The following STK35 variants were observed in gnomAD, a reference collection of about 807,000 sequenced individuals.
STK35 encodes the protein serine/threonine-protein kinase 35.
A neutral mutation model predicts 37.3 loss-of-function variants in STK35; 17 were observed. The ratio of observed to expected loss-of-function variants is 0.46; its 90% CI spans 0.31 to 0.68. The LOEUF (loss-of-function observed/expected upper bound fraction) is 0.68, where lower values mean the gene tolerates loss of function less well. Ranked by LOEUF, STK35 falls within the 30% of genes least tolerant of loss-of-function variation. The pLI, the probability that STK35 is intolerant of heterozygous loss-of-function variation, is 0.05. For synonymous variants in STK35, 385 were observed against 319.1 expected (o/e 1.21, Z -2.20); for missense variants, 595 against 746.7 (o/e 0.80, Z 2.37).
At chr20:2,135,290 C>G (rs1403799573) in intron 3 of STK35, among the ~76,000 whole-genome samples, 1 of 152,138 alleles carries the variant, frequency 6.6e-6, no homozygotes, top group Admixed American at 6.5e-5. Flanking sequence ...AGTGGGTGAA[C>G]AGAATGTGGA....
In STK35 at chr20:2,117,552, C is replaced by G; in HGVS notation, c.*37+137C>G. 1.8e-6 allele frequency: 1 copy of G among 543,992 alleles called. No homozygotes were observed. The highest frequency in any genetic ancestry group is 3.2e-6 in the Non-Finnish European group (1 of 313,254). The allele number at this position is 543,992 out of a possible 1,614,324, so 33.7% of individuals were successfully genotyped here. A position where few individuals can be genotyped will look rare whatever the true frequency, so the allele number is the denominator to read the frequency against. On this transcript the variant is annotated intron_variant, in intron 3 of 3. Coordinates refer to ENST00000381482, the MANE Select transcript of STK35 (RefSeq NM_080836.4). The surrounding 1 kb of genome is among the most constrained non-coding windows in gnomAD (Gnocchi z 4.4). ...CTCCACCTCCCGAGTTCAAGTGATT[C>G]TCGTGCCTCAGCCACCTGGGTAGCT... is the stretch of plus-strand genomic sequence containing the variant.
chr20:2,107,909 G>A (rs1985546891), intron 2 of STK35, among the ~76,000 whole-genome samples: 1 of 152,228 alleles, frequency 6.6e-6, no homozygotes, highest in African/African-American at 2.4e-5. Flanking sequence ...CTCAGAGTCA[G>A]AAGGTTTTAA....
chr20:2,116,575 T>A (rs1985721193), intron 2 of STK35, 91 bp from the exon 3 acceptor site: 2 of 1,381,956 alleles, frequency 1.4e-6, no homozygotes, highest in Middle Eastern at 2.5e-4. Flanking sequence ...TTGTCACCAA[T>A]GTCACTCTTG....
At position 2,103,173 on chromosome 20, in the gene STK35, C is replaced by T; in HGVS notation, c.700C>T (p.Arg234Cys). Reference protein sequence around the residue: ...SGARVAVKKIRCDAPENVELA... With the variant: ...SGARVAVKKICCDAPENVELA... ...GGCCCGGGTGGCGGTCAAGAAGATC[C>T]GCTGCGACGCCCCCGAGAACGTGGA... Residue 234 changes from arginine (R) to cysteine (C), a missense_variant, in exon 2 of 4, where the codon CGC becomes TGC. This residue lies in a region of STK35 where 97 missense variants were observed against 146.4 expected (regional missense o/e 0.66). Coordinates refer to ENST00000381482, the MANE Select transcript of STK35 (RefSeq NM_080836.4). 1 of 1,607,196 alleles carries T rather than the reference C, an allele frequency of 6.2e-7. No homozygotes were observed. The highest frequency in any genetic ancestry group is 8.5e-7 in the Non-Finnish European group (1 of 1,179,082).
Position 2,102,177 on chromosome 20 carries a change from T to G in STK35, c.294+2T>G. Reference sequence around the variant, plus strand: ...CGGAAGTGGAGGTGCGCGGGCCAGGTAAGGGCGCCGTTGGAGGACTGAAGG... The same window carrying G: ...CGGAAGTGGAGGTGCGCGGGCCAGGGAAGGGCGCCGTTGGAGGACTGAAGG... On this transcript the variant is annotated splice_donor_variant, in intron 1 of 3. Transcript: ENST00000381482. LOFTEE classifies it high-confidence loss of function. 1 of 1,376,494 alleles carries G rather than the reference T, an allele frequency of 7.3e-7. No homozygotes were observed. The highest frequency in any genetic ancestry group is 9.4e-7 in the Non-Finnish European group (1 of 1,066,194). 85.3% of individuals were successfully genotyped at this position (1,376,494 alleles called of 1,614,324 possible). A position where few individuals can be genotyped will look rare whatever the true frequency, so the allele number is the denominator to read the frequency against.
At chr20:2,115,451 T>C (rs1368725901) in intron 2 of STK35, among the ~76,000 whole-genome samples, 2 of 152,078 alleles carry the variant, frequency 1.3e-5, no homozygotes, top group African/African-American at 4.8e-5. Context: ...CCTGGCTCAG[T>C]TACAAATGAC....
intron 3 of STK35, among the ~76,000 whole-genome samples, chr20:2,118,076 C>T (rs1036726131): frequency 6.6e-6 from 1 of 152,096 alleles, no homozygotes; most frequent in Non-Finnish European, 1.5e-5. Flanking sequence ...GATTGTATCC[C>T]ACCTACTCAC....
intron 2 of STK35, among the ~76,000 whole-genome samples, chr20:2,115,844 A>G (rs1985705162): frequency 6.7e-6 from 1 of 150,352 alleles, no homozygotes; most frequent in South Asian, 2.1e-4. Flanking sequence ...TGCCTTTTAC[A>G]GGGTAAGTTC....
At chr20:2,107,982 A>G (rs1189991078) in intron 2 of STK35, among the ~76,000 whole-genome samples, 1 of 152,210 alleles carries the variant, frequency 6.6e-6, no homozygotes, top group Non-Finnish European at 1.5e-5. Flanking sequence ...AGGTGAAGTC[A>G]GTACCGTGAT....
At chr20:2,109,155 G>A (rs1053960358) in intron 2 of STK35, among the ~76,000 whole-genome samples, 3 of 152,214 alleles carry the variant, frequency 2.0e-5, no homozygotes, top group Non-Finnish European at 4.4e-5. Context: ...TACAATAGAT[G>A]TTACTTCACT....
intron 3 of STK35, among the ~76,000 whole-genome samples, chr20:2,125,477 T>A (rs1457048047): frequency 1.3e-5 from 2 of 152,218 alleles, no homozygotes; most frequent in Non-Finnish European, 2.9e-5. Context: ...GATGTATCTG[T>A]CTGGAAACTC....
rs1004809931 is a variant in STK35 at position 2,147,652 on chromosome 20, C to T, written c.*3906C>T. 6.6e-6 allele frequency: 1 copy of T among 152,634 alleles called. No homozygotes were observed. Among genetic ancestry groups the T allele is most frequent in the Non-Finnish European group, 1.5e-5 (1 of 68,396 alleles). 9.5% of individuals were successfully genotyped at this position (152,634 alleles called of 1,614,324 possible). A position where few individuals can be genotyped will look rare whatever the true frequency, so the allele number is the denominator to read the frequency against. On this transcript the variant is annotated 3_prime_UTR_variant, in exon 4 of 4. Transcript: ENST00000381482. ...CACTTTCCATCCTGCCCATACGCCC[C>T]TCTTCCCCCGACATCTGGGGGCGCT...
chr20:2,134,415 C>T (rs1020740765), intron 3 of STK35, among the ~76,000 whole-genome samples: 2 of 152,180 alleles, frequency 1.3e-5, no homozygotes, highest in African/African-American at 4.8e-5. Flanking sequence ...TTTCCCTCAG[C>T]CCCAGCCACA....
chr20:2,127,640 A>G (rs1013336090), intron 3 of STK35, among the ~76,000 whole-genome samples: 5 of 152,214 alleles, frequency 3.3e-5, no homozygotes, highest in African/African-American at 7.2e-5. Flanking sequence ...GACATGGTCC[A>G]GAGGTCCTCC....
At chr20:2,118,983 C>T (rs989870328) in intron 3 of STK35, among the ~76,000 whole-genome samples, 13 of 152,270 alleles carry the variant, frequency 8.5e-5, no homozygotes, top group African/African-American at 2.4e-4. Flanking sequence ...TCTCAGAAAT[C>T]GTTAAGCAGC....
intron 3 of STK35, among the ~76,000 whole-genome samples, chr20:2,130,200 C>A (rs1985975106): frequency 6.6e-6 from 1 of 152,090 alleles, no homozygotes; most frequent in Non-Finnish European, 1.5e-5. Flanking sequence ...ACCGTACTCT[C>A]TCTCCTGCGT....
At chr20:2,119,682 T>C (rs148863276) in intron 3 of STK35, among the ~76,000 whole-genome samples, 153 of 152,360 alleles carry the variant, frequency 1.0e-3, no homozygotes, top group African/African-American at 3.4e-3. Flanking sequence ...TATGGTGAGC[T>C]AGAAGTAAGC....
At chr20:2,106,650 C>T (rs1049388597) in intron 2 of STK35, among the ~76,000 whole-genome samples, 5 of 152,038 alleles carry the variant, frequency 3.3e-5, no homozygotes, top group Admixed American at 3.3e-4. Context: ...TGTGGATAGG[C>T]GAAGAGACAA....
chr20:2,142,769 A>G (rs1000844931), intron 3 of STK35, among the ~76,000 whole-genome samples: 1 of 152,146 alleles, frequency 6.6e-6, no homozygotes, highest in Non-Finnish European at 1.5e-5. Context: ...AAAACCTCCT[A>G]GATGATTCCA....
Sources: allele counts gnomAD v4.1 joint callset (sites outside exome capture counted in the v4.1 genomes callset), GRCh38; gene constraint gnomAD v4.1.1; regional missense constraint gnomAD v4.1.1; non-coding constraint Gnocchi (gnomAD v3.1); transcripts MANE v1.5; gene names NCBI Gene and HGNC (gene_info 2026-07-23, HGNC 2026-07-21).